EPM2A: variants seen among roughly 807,000 people sequenced by gnomAD.
EPM2A encodes the protein laforin.
A neutral mutation model predicts 26.5 loss-of-function variants in EPM2A; 21 were observed. That is an observed-to-expected ratio of 0.79 (90% confidence interval 0.56 to 1.14). The LOEUF (loss-of-function observed/expected upper bound fraction) is 1.14, where lower values mean the gene tolerates loss of function less well. Ranked by LOEUF, EPM2A falls within the 50% of genes most tolerant of loss-of-function variation. The probability of loss-of-function intolerance (pLI) is 0.00; values close to 1 mark genes in which losing one functional copy is unlikely to be tolerated. For synonymous variants in EPM2A, 217 were observed against 177.6 expected (o/e 1.22, Z -1.76); for missense variants, 458 against 440.8 (o/e 1.04, Z -0.35).
chr6:145,706,322 T>C (rs1373031898), intron 1 of EPM2A, among the ~76,000 whole-genome samples: 2 of 152,132 alleles, frequency 1.3e-5, no homozygotes, highest in Non-Finnish European at 2.9e-5. Flanking sequence ...ACACATTAGG[T>C]TACCTAATTT....
intron 4 of EPM2A, among the ~76,000 whole-genome samples, chr6:145,393,706 TG>T (rs1778367531): frequency 6.6e-6 from 1 of 152,112 alleles, no homozygotes; most frequent in African/African-American, 2.4e-5. Flanking sequence ...GGGTTTTTGG[TG>T]GGGGCTGACC....
At chr6:145,575,540 T>C (rs908611749) in intron 2 of EPM2A, among the ~76,000 whole-genome samples, 8 of 152,172 alleles carry the variant, frequency 5.3e-5, no homozygotes, top group African/African-American at 1.9e-4. Context: ...GGAGATAGAA[T>C]CCCCAAGTTC....
At chr6:145,608,073 G>A (rs766175912) in intron 2 of EPM2A, among the ~76,000 whole-genome samples, 13 of 151,992 alleles carry the variant, frequency 8.6e-5, no homozygotes, top group Non-Finnish European at 1.5e-4. Context: ...ATCATCTATG[G>A]TCCCAAAATA....
At chr6:145,431,361 G>A (rs1439444043) in intron 4 of EPM2A, among the ~76,000 whole-genome samples, 1 of 152,120 alleles carries the variant, frequency 6.6e-6, no homozygotes, top group Non-Finnish European at 1.5e-5. Context: ...TCAGAAAACT[G>A]AATATAGGAA....
At chr6:145,538,520 C>T (rs554968822) in intron 2 of EPM2A, among the ~76,000 whole-genome samples, 2 of 152,322 alleles carry the variant, frequency 1.3e-5, no homozygotes, top group African/African-American at 4.8e-5. Context: ...GCTTGAACAG[C>T]AATCAGCAAT....
chr6:145,641,165 T>G (rs901436473), intron 2 of EPM2A: 3 of 152,188 alleles, frequency 2.0e-5, no homozygotes, highest in Non-Finnish European at 4.4e-5. Context: ...AAAGGCCTAT[T>G]ATGTTGACTT....
chr6:145,451,545 T>C (rs1021554408), intron 4 of EPM2A, among the ~76,000 whole-genome samples: 1 of 152,246 alleles, frequency 6.6e-6, no homozygotes, highest in Non-Finnish European at 1.5e-5. Flanking sequence ...TCAGATTTTC[T>C]TTATATTCTT....
At chr6:145,439,679 T>C (rs918016318) in intron 4 of EPM2A, among the ~76,000 whole-genome samples, 3 of 152,198 alleles carry the variant, frequency 2.0e-5, no homozygotes, top group Non-Finnish European at 4.4e-5. Flanking sequence ...TTTTTGCTTG[T>C]ATGTTTGTTT....
intron 4 of EPM2A, among the ~76,000 whole-genome samples, chr6:145,443,462 A>C (rs1265095537): frequency 6.6e-6 from 1 of 152,086 alleles, no homozygotes; most frequent in Admixed American, 6.5e-5. Flanking sequence ...CATTAACTGT[A>C]TTCCTAGACA....
intron 2 of EPM2A, among the ~76,000 whole-genome samples, chr6:145,540,311 T>C (rs2114793438): frequency 6.6e-6 from 1 of 152,368 alleles, no homozygotes; most frequent in South Asian, 2.1e-4. Flanking sequence ...TGGAAGTTAC[T>C]GATGCTGTGA....
chr6:145,620,707 G>A (rs1775615032), downstream of EPM2A, among the ~76,000 whole-genome samples: 2 of 152,106 alleles, frequency 1.3e-5, no homozygotes, highest in Non-Finnish European at 2.9e-5. Context: ...TTCTTTCACT[G>A]TCTAGTTTCT....
At chr6:145,490,063 G>T in intron 4 of EPM2A, 3 of 1,289,028 alleles carry the variant, frequency 2.3e-6, no homozygotes, top group South Asian at 2.8e-5. Context: ...AATCCACCTG[G>T]ACCTGAAGCA....
chr6:145,700,342 T>G (rs1562501457), intron 1 of EPM2A, among the ~76,000 whole-genome samples: 1 of 152,120 alleles, frequency 6.6e-6, no homozygotes, highest in Non-Finnish European at 1.5e-5. Context: ...TCTAGACTTT[T>G]GTTGTTGTTG....
At chr6:145,529,032 A>G (rs546843964) in intron 2 of EPM2A, among the ~76,000 whole-genome samples, 52 of 152,274 alleles carry the variant, frequency 3.4e-4, no homozygotes, top group African/African-American at 1.2e-3. Context: ...AAATAACTAG[A>G]GTCAGTCGTG....
chr6:145,584,207 A>C (rs1474167205), intron 2 of EPM2A, among the ~76,000 whole-genome samples: 2 of 152,138 alleles, frequency 1.3e-5, no homozygotes, highest in African/African-American at 4.8e-5. Context: ...GGAAGGCTGC[A>C]GGTGAGCTTG....
chr6:145,524,682 GCA>G (rs1780247539), intron 2 of EPM2A, among the ~76,000 whole-genome samples: 2 of 151,978 alleles, frequency 1.3e-5, no homozygotes, highest in African/African-American at 4.8e-5. Context: ...TTTTTCAGAT[GCA>G]CAGTTTGTGA....
intron 2 of EPM2A, among the ~76,000 whole-genome samples, chr6:145,568,614 C>T (rs9485004): frequency 0.084 from 12,715 of 152,220 alleles, 567 homozygotes; most frequent in Middle Eastern, 0.12. Flanking sequence ...TGAGCCACTG[C>T]GCCCGGCCTG....
intron 4 of EPM2A, among the ~76,000 whole-genome samples, chr6:145,425,663 A>T (rs2114687606): frequency 6.6e-6 from 1 of 151,910 alleles, no homozygotes; most frequent in South Asian, 2.1e-4. Flanking sequence ...AACTATATAA[A>T]TCAAATATTG....
chr6:145,409,902 T>C lies in EPM2A; in HGVS notation c.556-25805A>G, dbSNP rs926758755. Among the ~76,000 whole-genome samples, 7 of 152,226 alleles carry C rather than the reference T, an allele frequency of 4.6e-5. No homozygotes were observed. In the East Asian group the frequency reaches 1.3e-3, roughly 29 times the overall value. ...TGCCTGAATGTCCTGATGACATGTC[T>C]TCCAAGTGAGTGACCAAGGTGAGCA... On this transcript the variant is annotated intron_variant, in intron 4 of 4. Coordinates refer to the EPM2A transcript ENST00000638717.
Sources: gnomAD v4.1 joint callset for allele counts (sites outside exome capture counted in the v4.1 genomes callset) on GRCh38, gnomAD v4.1.1 for gene constraint, MANE v1.5 for transcripts, NCBI Gene and HGNC (gene_info 2026-07-23, HGNC 2026-07-21) for gene names.